Variants in PRSS38 observed in about 807,000 individuals in gnomAD.
PRSS38 encodes the protein marapsin 2.
In PRSS38, 22 loss-of-function variants were observed where a neutral mutation model predicts 26.8. The ratio of observed to expected loss-of-function variants is 0.82; its 90% CI spans 0.59 to 1.17. The LOEUF (loss-of-function observed/expected upper bound fraction) is 1.17, where lower values mean the gene tolerates loss of function less well. Among genes scored for constraint, PRSS38 ranks in the 50% most tolerant of loss-of-function variants. The pLI, the probability that PRSS38 is intolerant of heterozygous loss-of-function variation, is 0.00. For synonymous variants in PRSS38, 175 were observed against 172.1 expected (o/e 1.02, Z -0.13); for missense variants, 427 against 422.7 (o/e 1.01, Z -0.09).
chr1:227,820,578 G>C (rs531986043), intron 3 of PRSS38, among the ~76,000 whole-genome samples: 1 of 152,000 alleles, frequency 6.6e-6, no homozygotes, highest in Non-Finnish European at 1.5e-5. Context: ...GTATTTCTTG[G>C]ATAAATCTCG....
intron 3 of PRSS38, among the ~76,000 whole-genome samples, chr1:227,841,398 C>T (rs910288652): frequency 1.1e-4 from 16 of 152,228 alleles, no homozygotes; most frequent in African/African-American, 3.6e-4. Flanking sequence ...AATGTGACAC[C>T]GCACCTCGAT....
chr1:227,825,831 C>T lies in PRSS38; in HGVS notation c.583+8351C>T, dbSNP rs140459551. Among the ~76,000 whole-genome samples, 437 of 152,156 alleles carry T rather than the reference C, an allele frequency of 2.9e-3. 1 individual carries two copies. The highest frequency in any genetic ancestry group is 1.0e-2 in the African/African-American group (414 of 41,524). ...GTAGCATGGTGCCTCCAACTTCGTT[C>T]TTTTTGCTTAGGATTGTCTTGGCTA... On this transcript the variant is annotated intron_variant, in intron 3 of 4. Transcript: ENST00000366757.
In PRSS38 at chr1:227,833,531, A is replaced by G. The variant is rs546412787; in HGVS notation, c.584-11939A>G. Among the ~76,000 whole-genome samples the G allele has an allele frequency of 8.5e-5, 13 of 152,284 alleles. No individual in the cohort carries two copies. The South Asian group carries it at 2.7e-3, about 32-fold the overall frequency. ...AACAAGAGCGAGACTCCATCTCAAAAAAAAAAAGCAACGTTGAAGGACTCA... is the reference window on the plus strand; with the variant it reads ...AACAAGAGCGAGACTCCATCTCAAAGAAAAAAAGCAACGTTGAAGGACTCA... On this transcript the variant is annotated intron_variant, in intron 3 of 4. Coordinates refer to ENST00000366757, the Ensembl canonical transcript of PRSS38.
chr1:227,817,313 C>G lies in PRSS38; in HGVS notation c.416C>G (p.Pro139Arg), dbSNP rs754312072. The G allele has an allele frequency of 1.9e-6, 3 of 1,614,200 alleles. No individual in the cohort carries two copies. In the South Asian group the frequency reaches 3.3e-5, roughly 18 times the overall value. ...GAGGTGAACAGGGTGATCCTGCACC[C>G]CACATATGAGATGTACCACCCCATC... Residue 139 changes from proline (P) to arginine (R), a missense_variant, in exon 3 of 5, where the codon CCC becomes CGC. By Grantham distance (103) the Pro-to-Arg change is moderately radical. Transcript: ENST00000366757.
chr1:227,817,707 A>G (rs184608572), intron 3 of PRSS38, among the ~76,000 whole-genome samples: 2 of 152,352 alleles, frequency 1.3e-5, no homozygotes, highest in African/African-American at 4.8e-5. Flanking sequence ...TGAAGTTGGT[A>G]TGCAGTATAT....
In PRSS38 at chr1:227,845,540, C is replaced by T. The variant is rs35677456; in HGVS notation, c.654C>T (p.Tyr218=). The T allele has an allele frequency of 2.8e-3, 4,589 of 1,613,512 alleles. 139 individuals are homozygous for T. In the Admixed American group the frequency reaches 0.052, roughly 18 times the overall value. ...TGGAGCCCTGGTGCCACCTGCTCTA[C>T]GGACACATGTCCTACATCATGCCCG... Residue 218 remains tyrosine, a synonymous_variant, in exon 4 of 5, where the codon TAC becomes TAT. Transcript: ENST00000366757.
chr1:227,817,187 A>C, intron 2 of PRSS38, 22 bp from the exon 3 acceptor site: 1 of 1,603,526 alleles, frequency 6.2e-7, no homozygotes, highest in Non-Finnish European at 8.5e-7. Flanking sequence ...CGGGCATTGT[A>C]CCTCTGTTCT....
intron 3 of PRSS38, among the ~76,000 whole-genome samples, chr1:227,842,143 T>C (rs1665347154): frequency 6.6e-6 from 1 of 152,122 alleles, no homozygotes; most frequent in African/African-American, 2.4e-5. Context: ...CCTCGAACAT[T>C]TGGAGTTGAA....
At chr1:227,845,361 G>T (rs1665410442) in intron 3 of PRSS38, 109 bp from the exon 4 acceptor site, 1 of 721,896 alleles carries the variant, frequency 1.4e-6, no homozygotes, top group Non-Finnish European at 2.3e-6. Context: ...CCTACGTATA[G>T]TGGGGCTCCT....
At chr1:227,846,076 T>C in exon 5 of PRSS38, 2 of 1,614,238 alleles carry the variant, frequency 1.2e-6, no homozygotes, top group Non-Finnish European at 1.7e-6. Flanking sequence ...GTGTTTCCTA[T>C]TTCTCAAAAT....
intron 3 of PRSS38, among the ~76,000 whole-genome samples, chr1:227,843,528 C>A (rs957290050): frequency 5.3e-5 from 8 of 151,676 alleles, no homozygotes; most frequent in African/African-American, 1.9e-4. Context: ...CATGGAGAAA[C>A]CCCGTCTCTA....
At chr1:227,845,432 G>A in intron 3 of PRSS38, 38 bp from the exon 4 acceptor site, 1 of 1,560,014 alleles carries the variant, frequency 6.4e-7, no homozygotes, top group Non-Finnish European at 8.7e-7. Flanking sequence ...CCCACACGAA[G>A]CAGGTGCTGC....
intron 3 of PRSS38, among the ~76,000 whole-genome samples, chr1:227,841,379 G>T (rs1266011737): frequency 6.6e-6 from 1 of 152,230 alleles, no homozygotes; most frequent in African/African-American, 2.4e-5. Flanking sequence ...CAGATCCAAG[G>T]ACTGGTGAAA....
At chr1:227,840,600 GCTGCAGAGCTGAGATGGC>G (rs1304203006) in intron 3 of PRSS38, among the ~76,000 whole-genome samples, 1 of 152,158 alleles carries the variant, frequency 6.6e-6, no homozygotes, top group Non-Finnish European at 1.5e-5. Context: ...TGGAGCAGTG[GCTGCAGAGCTGAGATGGC>G]CTGCAGAGCC....
At chr1:227,843,692 A>C (rs1665372352) in intron 3 of PRSS38, among the ~76,000 whole-genome samples, 1 of 150,784 alleles carries the variant, frequency 6.6e-6, no homozygotes, top group South Asian at 2.1e-4. Flanking sequence ...GGGCAATAAG[A>C]GTGAAACTCC....
intron 3 of PRSS38, among the ~76,000 whole-genome samples, chr1:227,824,611 T>C (rs1665045840): frequency 6.6e-6 from 1 of 152,172 alleles, no homozygotes; most frequent in African/African-American, 2.4e-5. Flanking sequence ...GGTCAGATAG[T>C]ATTTCTGCCT....
intron 3 of PRSS38, among the ~76,000 whole-genome samples, chr1:227,834,935 G>T (rs977196987): frequency 3.3e-5 from 5 of 152,134 alleles, no homozygotes; most frequent in Non-Finnish European, 7.4e-5. Context: ...TTCAAATTAT[G>T]AATTGATAAA....
At chr1:227,817,167 C>G in intron 2 of PRSS38, 42 bp from the exon 3 acceptor site, 10 of 1,589,356 alleles carry the variant, frequency 6.3e-6, no homozygotes, top group Non-Finnish European at 8.6e-6. Flanking sequence ...GCTGACCACA[C>G]AGGAAGCTGC....
At position 227,842,270 on chromosome 1, in the gene PRSS38, A is replaced by T. The variant is rs1665348934; in HGVS notation, c.584-3200A>T. ...CCAAGTCATATCCATGCTTCAAGGT[A>T]CTCTCATTCCAGGAAAGCTTTCCCA... On this transcript the variant is annotated intron_variant, in intron 3 of 4. Coordinates refer to ENST00000366757, the Ensembl canonical transcript of PRSS38. 8.6e-5 allele frequency among the ~76,000 whole-genome samples: 13 copies of T among 152,040 alleles called. No homozygotes were observed. In the South Asian group the frequency reaches 2.7e-3, roughly 32 times the overall value.
Sources: gnomAD v4.1 joint callset for allele counts (sites outside exome capture counted in the v4.1 genomes callset) on GRCh38, gnomAD v4.1.1 for gene constraint, MANE v1.5 for transcripts, NCBI Gene and HGNC (gene_info 2026-07-23, HGNC 2026-07-21) for gene names.